SDK2: variants seen among roughly 807,000 people sequenced by gnomAD.
The protein encoded by SDK2 is sidekick cell adhesion molecule 2, also known as protein sidekick-2.
SDK2 carries 105 observed loss-of-function variants against 253.9 expected under a neutral mutation model. The ratio of observed to expected loss-of-function variants is 0.41; its 90% CI spans 0.35 to 0.49. The LOEUF (loss-of-function observed/expected upper bound fraction) is 0.49. Among genes scored for constraint, SDK2 ranks in the 20% least tolerant of loss-of-function variants. SDK2 has a pLI of 0.06. For missense variants in SDK2, 2,608 were observed against 3,003.0 expected, an observed-to-expected ratio of 0.87 and a Z score of 3.07; for synonymous variants, 1,249 against 1,234.9, an observed-to-expected ratio of 1.01 and a Z score of -0.24.
intron 2 of SDK2, among the ~76,000 whole-genome samples, chr17:73,498,758 G>A (rs549105097): frequency 3.7e-4 from 56 of 152,280 alleles, no homozygotes; most frequent in Non-Finnish European, 7.4e-4. Flanking sequence ...GTAGGTGATC[G>A]TTTGGAGTGT....
Position 73,431,551 on chromosome 17 carries a change from G to A in SDK2, c.1431C>T (p.Ala477=). 1.2e-6 allele frequency: 2 copies of A among 1,613,852 alleles called. No homozygotes were observed. The part of the protein sequence containing the change: ...ISDAGTYTCL[A]TNSRGVDEAS... ...CCTCATCGACCCCCCGAGAGTTGGTGGCCAGGCAGGTGTAGGTCCCCGCAT... is the reference window on the plus strand; with the variant it reads ...CCTCATCGACCCCCCGAGAGTTGGTAGCCAGGCAGGTGTAGGTCCCCGCAT... The change falls in exon 11 of 45, where the codon GCC becomes GCT. Residue 477 remains alanine, a synonymous_variant. Transcript: ENST00000392650. The surrounding 1 kb of genome is among the most constrained non-coding windows in gnomAD (Gnocchi z 5.6).
chr17:73,494,688 CTTGGG>C (rs2145734885), intron 2 of SDK2, among the ~76,000 whole-genome samples: 1 of 152,354 alleles, frequency 6.6e-6, no homozygotes, highest in South Asian at 2.1e-4. Context: ...AGCACTGACC[CTTGGG>C]GATGCTCCCT....
At chr17:73,487,072 T>C (rs2063774001) in intron 2 of SDK2, among the ~76,000 whole-genome samples, 1 of 152,188 alleles carries the variant, frequency 6.6e-6, no homozygotes, top group African/African-American at 2.4e-5. Context: ...TAGCTGGGAC[T>C]ACAGGCACGC....
intron 18 of SDK2, among the ~76,000 whole-genome samples, chr17:73,409,643 GA>G (rs942631534): frequency 3.0e-4 from 43 of 143,512 alleles, no homozygotes; most frequent in Middle Eastern, 6.9e-3. Context: ...AAAAAAGGAA[GA>G]AAAAAAAAAC....
In SDK2 at chr17:73,433,545, T is replaced by C. The variant is rs1248521507; in HGVS notation, c.1312+187A>G. On this transcript the variant is annotated intron_variant, in intron 10 of 44. Transcript: ENST00000392650. Reference sequence around the variant, plus strand: ...TCAGGGTGATCTGCCCACCTCAACCTCCCAAGATGCTGGGATTATAGGCAT... The same window carrying C: ...TCAGGGTGATCTGCCCACCTCAACCCCCCAAGATGCTGGGATTATAGGCAT... 3.9e-5 allele frequency among the ~76,000 whole-genome samples: 6 copies of C among 152,060 alleles called. No homozygotes were observed. In the East Asian group the frequency reaches 1.2e-3, roughly 29 times the overall value.
In SDK2 at chr17:73,419,024, GAGT is replaced by G. The variant is rs2063205673; in HGVS notation, c.2186+139_2186+141del. On this transcript the variant is annotated intron_variant, in intron 16 of 44. Transcript: ENST00000392650. ...TCCAACCTAAATCCTTCCTACCACT[GAGT>G]AGGCATTTCTTGTTACCTAGTCCTT... 4 of 883,776 alleles carry G rather than the reference GAGT, an allele frequency of 4.5e-6. No individual in the cohort carries two copies. The South Asian group carries it at 6.5e-5, about 14-fold the overall frequency. The allele number at this position is 883,776 out of a possible 1,614,324, so 54.7% of individuals were successfully genotyped here.
intron 38 of SDK2, among the ~76,000 whole-genome samples, chr17:73,362,300 C>T (rs773929749): frequency 3.3e-5 from 5 of 152,096 alleles, no homozygotes; most frequent in African/African-American, 7.2e-5. Flanking sequence ...CCCAGAGTTG[C>T]GGGGACACAC....
chr17:73,400,692 C>T (rs2063015988), intron 21 of SDK2, among the ~76,000 whole-genome samples: 1 of 150,298 alleles, frequency 6.7e-6, no homozygotes, highest in Admixed American at 6.6e-5. Flanking sequence ...GTGGCCCTGT[C>T]ACCCAGACTG....
At chr17:73,459,718 G>A (rs1375633048) in intron 3 of SDK2, among the ~76,000 whole-genome samples, 2 of 148,810 alleles carry the variant, frequency 1.3e-5, no homozygotes, top group African/African-American at 5.0e-5. Context: ...TTTTTTTGTA[G>A]AGACACAGTC....
chr17:73,420,119 G>A (rs1277498611), intron 15 of SDK2, among the ~76,000 whole-genome samples: 1 of 152,220 alleles, frequency 6.6e-6, no homozygotes, highest in Admixed American at 6.5e-5. Context: ...GTGTGAGGGA[G>A]AGAGCCAAGG....
chr17:73,474,683 G>GCCCTCTCTCCTGTTTGCGTC lies in SDK2; in HGVS notation c.225-2485_225-2466dup, dbSNP rs1469276409. Among the ~76,000 whole-genome samples the GCCCTCTCTCCTGTTTGCGTC allele has an allele frequency of 5.3e-5, 8 of 152,286 alleles. No individual in the cohort carries two copies. The East Asian group carries it at 1.5e-3, about 29-fold the overall frequency. ...CACCTCATCTTCAAATCCACCCTCA[G>GCCCTCTCTCCTGTTTGCGTC]CCCTCTCTCCTGTTTGCGTCCCCTC... On this transcript the variant is annotated intron_variant, in intron 2 of 44. Coordinates refer to ENST00000392650, the MANE Select transcript of SDK2 (RefSeq NM_001144952.2).
Position 73,466,713 on chromosome 17 carries a change from A to ACGC in SDK2, c.331+5396_331+5398dup, listed in dbSNP as rs751731403. Among the ~76,000 whole-genome samples, 2 of 81,904 alleles carry ACGC rather than the reference A, an allele frequency of 2.4e-5. 1 individual carries two copies. The highest frequency in any genetic ancestry group is 4.5e-5 in the Non-Finnish European group (2 of 44,780). 53.7% of individuals were successfully genotyped at this position (81,904 alleles called of 152,430 possible). A position where few individuals can be genotyped will look rare whatever the true frequency, so the allele number is the denominator to read the frequency against. On this transcript the variant is annotated intron_variant, in intron 3 of 44. Coordinates refer to ENST00000392650, the MANE Select transcript of SDK2 (RefSeq NM_001144952.2). ...TGGATCATTTTGGAGGCTCTGGGGA[A>ACGC]CGCCCCCCCCCCCCGGCTTAGGCTC...
intron 3 of SDK2, among the ~76,000 whole-genome samples, chr17:73,460,114 C>T (rs1456826402): frequency 4.6e-5 from 7 of 152,150 alleles, no homozygotes; most frequent in Non-Finnish European, 8.8e-5. Context: ...GAAGTGATGC[C>T]ATGTGACTTT....
chr17:73,494,571 G>A (rs993280351), intron 2 of SDK2, among the ~76,000 whole-genome samples: 7 of 152,116 alleles, frequency 4.6e-5, no homozygotes, highest in African/African-American at 1.4e-4. Flanking sequence ...TCTTTTTTCC[G>A]CCTTTCCCCT....
chr17:73,459,784 C>T (rs968362826), intron 3 of SDK2, among the ~76,000 whole-genome samples: 1 of 151,980 alleles, frequency 6.6e-6, no homozygotes, highest in Non-Finnish European at 1.5e-5. Context: ...TCACCTCGGT[C>T]TCCCAAAGCA....
Position 73,338,546 on chromosome 17 carries a change from G to T in SDK2, c.*41C>A, listed in dbSNP as rs1259970478. ...CAGTGAGAGGAGGGGTGAAGGAGGAGTTTGGTGCCATTTCTCTTTCTGCTT... is the reference window on the plus strand; with the variant it reads ...CAGTGAGAGGAGGGGTGAAGGAGGATTTTGGTGCCATTTCTCTTTCTGCTT... On this transcript the variant is annotated 3_prime_UTR_variant, in exon 45 of 45. Coordinates refer to ENST00000392650, the MANE Select transcript of SDK2 (RefSeq NM_001144952.2). This position sits in a 1 kb window ranked among gnomAD's most constrained non-coding sequence, Gnocchi z 5.0. The T allele has an allele frequency of 1.6e-6, 2 of 1,241,418 alleles. No homozygotes were observed. The highest frequency in any genetic ancestry group is 1.5e-5 in the South Asian group (1 of 68,700). The allele number at this position is 1,241,418 out of a possible 1,614,324, so 76.9% of individuals were successfully genotyped here. A position where few individuals can be genotyped will look rare whatever the true frequency, so the allele number is the denominator to read the frequency against.
At chr17:73,624,814 C>T (rs1008742045) in intron 1 of SDK2, among the ~76,000 whole-genome samples, 2 of 152,068 alleles carry the variant, frequency 1.3e-5, no homozygotes, top group African/African-American at 4.8e-5. Flanking sequence ...TAAGGGTGGC[C>T]GTGGTGATGT....
At chr17:73,593,407 C>T (rs1053146341) in intron 1 of SDK2, among the ~76,000 whole-genome samples, 2 of 152,206 alleles carry the variant, frequency 1.3e-5, no homozygotes, top group African/African-American at 4.8e-5. Context: ...GTGCAGGAAA[C>T]CCCCACCCAA....
At chr17:73,632,268 T>C (rs1599740597) in intron 1 of SDK2, among the ~76,000 whole-genome samples, 2 of 152,120 alleles carry the variant, frequency 1.3e-5, no homozygotes, top group Non-Finnish European at 2.9e-5. Flanking sequence ...TTGGCAGAGG[T>C]GGACCCACCC....
Sources: gnomAD v4.1 joint callset for allele counts (sites outside exome capture counted in the v4.1 genomes callset) on GRCh38, gnomAD v4.1.1 for gene constraint, Gnocchi (gnomAD v3.1) non-coding constraint, MANE v1.5 for transcripts, NCBI Gene and HGNC (gene_info 2026-07-23, HGNC 2026-07-21) for gene names.